Variants in SCP2 observed in about 807,000 individuals in gnomAD.
SCP2 encodes sterol carrier protein 2, also known as SCP-2/3-oxoacyl-CoA thiolase.
SCP2 carries 48 observed loss-of-function variants against 71.4 expected under a neutral mutation model. The observed-to-expected ratio is 0.67, with a 90% CI of 0.53 to 0.86. The LOEUF is 0.86. Ranked by LOEUF, SCP2 falls within the 40% of genes least tolerant of loss-of-function variation. SCP2 has a pLI of 0.00. For synonymous variants in SCP2, 220 were observed against 218.1 expected, an observed-to-expected ratio of 1.01 and a Z score of -0.08; for missense variants, 560 against 655.6, an observed-to-expected ratio of 0.85 and a Z score of 1.59.
At chr1:52,997,360 G>C (rs529796716) in intron 11 of SCP2, among the ~76,000 whole-genome samples, 2 of 152,082 alleles carry the variant, frequency 1.3e-5, no homozygotes, top group East Asian at 1.9e-4. Flanking sequence ...GTAGAGACAG[G>C]GTTTCATTAT....
chr1:52,990,835 G>A (rs929853913), intron 11 of SCP2, among the ~76,000 whole-genome samples: 11 of 151,886 alleles, frequency 7.2e-5, no homozygotes, highest in African/African-American at 2.4e-4. Flanking sequence ...AGGAAGGAGA[G>A]TGTTTCAAAA....
chr1:53,030,998 A>G (rs1435646368), intron 13 of SCP2, among the ~76,000 whole-genome samples: 2 of 151,786 alleles, frequency 1.3e-5, no homozygotes, highest in Non-Finnish European at 2.9e-5. Context: ...AAGTGTTCCT[A>G]TAAAATGAAG....
At chr1:52,997,410 C>G (rs1660011123) in intron 11 of SCP2, among the ~76,000 whole-genome samples, 1 of 152,136 alleles carries the variant, frequency 6.6e-6, no homozygotes, top group African/African-American at 2.4e-5. Context: ...CTCAAATGAT[C>G]CACCCTCCTC....
At chr1:53,049,207 T>C (rs1314954410) in intron 15 of SCP2, 1 of 152,254 alleles carries the variant, frequency 6.6e-6, no homozygotes, top group Non-Finnish European at 1.5e-5. Context: ...CATGCACAGC[T>C]TTGGCAGGCT....
At chr1:52,970,440 C>A (rs1005425687) in intron 6 of SCP2, among the ~76,000 whole-genome samples, 1 of 152,166 alleles carries the variant, frequency 6.6e-6, no homozygotes, top group Non-Finnish European at 1.5e-5. Flanking sequence ...CGCTCAATTG[C>A]ACCATACAAA....
intron 1 of SCP2, among the ~76,000 whole-genome samples, chr1:52,932,173 TA>T: frequency 6.6e-6 from 1 of 152,092 alleles, no homozygotes; most frequent in East Asian, 1.9e-4. Flanking sequence ...ATCAGAGAAA[TA>T]ATAGAGAATT....
intron 5 of SCP2, 24 bp from the exon 6 acceptor site, chr1:52,961,479 T>G: frequency 1.2e-6 from 2 of 1,612,832 alleles, no homozygotes; most frequent in Non-Finnish European, 1.7e-6. Flanking sequence ...CAGCTGCTTA[T>G]GAAATTTTGT....
At chr1:52,935,190 C>T (rs1329438908) in intron 1 of SCP2, among the ~76,000 whole-genome samples, 1 of 151,674 alleles carries the variant, frequency 6.6e-6, no homozygotes, top group East Asian at 2.0e-4. Context: ...TGCATGAACC[C>T]GGGAGGCGGA....
At chr1:53,012,229 G>A (rs772140185) in intron 11 of SCP2, among the ~76,000 whole-genome samples, 7 of 152,356 alleles carry the variant, frequency 4.6e-5, no homozygotes, top group South Asian at 2.1e-4. Context: ...GAAGGAATGC[G>A]TGCTCAGAGA....
intron 10 of SCP2, among the ~76,000 whole-genome samples, chr1:52,984,662 C>T (rs185989193): frequency 7.4e-4 from 113 of 151,794 alleles, no homozygotes; most frequent in Middle Eastern, 6.8e-3. Context: ...CTCAGCCTCC[C>T]GAGTAGCTGG....
At chr1:53,037,922 A>ACACCC (rs1553155288) in intron 13 of SCP2, among the ~76,000 whole-genome samples, 1 of 133,852 alleles carries the variant, frequency 7.5e-6, no homozygotes, top group African/African-American at 2.8e-5. Flanking sequence ...ACACACACAC[A>ACACCC]CACACACAGA....
At chr1:52,972,554 TAG>T (rs1159480463) in intron 6 of SCP2, among the ~76,000 whole-genome samples, 1 of 152,230 alleles carries the variant, frequency 6.6e-6, no homozygotes, top group African/African-American at 2.4e-5. Flanking sequence ...GCAAATCTAA[TAG>T]AGACAATAAA....
intron 12 of SCP2, among the ~76,000 whole-genome samples, chr1:53,022,839 C>A (rs184323481): frequency 1.3e-5 from 2 of 152,058 alleles, no homozygotes; most frequent in African/African-American, 4.8e-5. Context: ...CTGTTTTAGG[C>A]CTTAGAATGA....
intron 6 of SCP2, among the ~76,000 whole-genome samples, chr1:52,962,041 A>G (rs1429801812): frequency 2.0e-5 from 3 of 152,134 alleles, no homozygotes; most frequent in African/African-American, 2.4e-5. Flanking sequence ...AGCTGGGACT[A>G]CAGATGTGCA....
intron 1 of SCP2, among the ~76,000 whole-genome samples, chr1:52,931,852 C>G (rs1653180053): frequency 6.6e-6 from 1 of 151,962 alleles, no homozygotes; most frequent in African/African-American, 2.4e-5. Flanking sequence ...TCAGAAGACA[C>G]TTAGGGAACA....
rs1342860435 is a variant in SCP2 at position 52,997,817 on chromosome 1, C to T, written c.1081+9681C>T. On this transcript the variant is annotated intron_variant, in intron 11 of 15. Transcript: ENST00000371514. ...ACATCCAGGTAGCAACCAGCCAAAA[C>T]CAGATCAAAAACATTTTCATTACCC... Among the ~76,000 whole-genome samples, 3 of 152,156 alleles carry T rather than the reference C, an allele frequency of 2.0e-5. No homozygotes were observed. The East Asian group carries it at 5.8e-4, about 29-fold the overall frequency.
intron 12 of SCP2, among the ~76,000 whole-genome samples, chr1:53,021,615 C>T (rs1257981404): frequency 4.7e-5 from 7 of 149,536 alleles, no homozygotes; most frequent in South Asian, 2.1e-4. Context: ...CCACCGAGCT[C>T]GGGCTTTTTC....
At chr1:53,000,595 G>A (rs1660248203) in intron 11 of SCP2, among the ~76,000 whole-genome samples, 1 of 152,128 alleles carries the variant, frequency 6.6e-6, no homozygotes, top group Non-Finnish European at 1.5e-5. Flanking sequence ...TCATCATTAG[G>A]TACTGTAGGG....
At chr1:52,952,636 T>G (rs1243752551) in intron 4 of SCP2, among the ~76,000 whole-genome samples, 1 of 152,092 alleles carries the variant, frequency 6.6e-6, no homozygotes, top group African/African-American at 2.4e-5. Context: ...GCATGGTGTC[T>G]GGCACCTGTA....
Sources: allele counts gnomAD v4.1 joint callset (sites outside exome capture counted in the v4.1 genomes callset), GRCh38; gene constraint gnomAD v4.1.1; transcripts MANE v1.5; gene names NCBI Gene and HGNC (gene_info 2026-07-23, HGNC 2026-07-21).